BCAR1: variants seen among roughly 807,000 people sequenced by gnomAD.
BCAR1 encodes breast cancer anti-estrogen resistance protein 1.
Under a neutral mutation model 67.6 loss-of-function variants are expected in BCAR1, and 30 were observed. That is an observed-to-expected ratio of 0.44 (90% CI 0.33 to 0.60). BCAR1 has a LOEUF of 0.60. BCAR1 is among the 20% of genes least tolerant of loss of function. The pLI, the probability that BCAR1 is intolerant of heterozygous loss-of-function variation, is 0.02. For missense variants in BCAR1, 1,313 were observed against 1,222.3 expected (o/e 1.07, Z -1.11); for synonymous variants, 626 against 556.7 (o/e 1.12, Z -1.75).
intron 1 of BCAR1, among the ~76,000 whole-genome samples, chr16:75,251,157 T>G (rs928133421): frequency 6.6e-6 from 1 of 151,860 alleles, no homozygotes; most frequent in East Asian, 1.9e-4. Context: ...AGGCCCAAGG[T>G]GACACAGCAG....
At chr16:75,258,430 A>C (rs1036978012) in intron 1 of BCAR1, among the ~76,000 whole-genome samples, 1 of 152,230 alleles carries the variant, frequency 6.6e-6, no homozygotes, top group African/African-American at 2.4e-5. Flanking sequence ...TTATAAAGCA[A>C]CACTCATGCA....
Position 75,242,750 on chromosome 16 carries a change from G to C in BCAR1, c.353C>G (p.Pro118Arg), listed in dbSNP as rs369741235. 6 of 1,590,168 alleles carry C rather than the reference G, an allele frequency of 3.8e-6. No individual in the cohort carries two copies. ...QPQPDSVYLV[P>R]TPSKAQQGLY... ...GCCTTGCTGAGCCTTGCTGGGAGTG[G>C]GCACCAGGTAGACGCTGTCTGGCTG... The change falls in exon 2 of 7, where the codon CCC becomes CGC. Residue 118 changes from proline (P) to arginine (R), a missense_variant. By Grantham distance (103) the Pro-to-Arg change is moderately radical (BLOSUM62 -2). This residue lies in a region of BCAR1 where 1,272 missense variants were observed against 1,137.5 expected (regional missense o/e 1.12). Coordinates refer to ENST00000162330, the MANE Select transcript of BCAR1 (RefSeq NM_014567.5).
At chr16:75,267,570 T>G (rs911723639) in intron 1 of BCAR1, among the ~76,000 whole-genome samples, 1 of 152,090 alleles carries the variant, frequency 6.6e-6, no homozygotes, top group Non-Finnish European at 1.5e-5. Context: ...CACGCCCTGC[T>G]GTCTCTGATG....
rs781121746 is a variant in BCAR1 at position 75,229,820 on chromosome 16, G to A, written c.2304C>T (p.Ala768=). The change falls in exon 7 of 7, where the codon GCC becomes GCT. Residue 768 remains alanine (A), a synonymous_variant. Transcript: ENST00000162330. ...LTNAVDAFFT[A]VATNQPPKIF... is the part of the protein sequence containing the mutation. ...TCTTGGGCGGCTGGTTGGTGGCCAC[G>A]GCGGTAAAGAAGGCGTCCACGGCGT... The A allele has an allele frequency of 3.2e-5, 52 of 1,613,360 alleles. No individual in the cohort carries two copies. The highest frequency in any genetic ancestry group is 3.3e-4 in the Middle Eastern group (2 of 6,084).
intron 1 of BCAR1, among the ~76,000 whole-genome samples, chr16:75,265,539 A>G (rs11640470): frequency 0.48 from 73,264 of 151,640 alleles, 18,578 homozygotes; most frequent in Admixed American, 0.62. Flanking sequence ...CCCGGGGACC[A>G]ACAAAGAGTC....
At chr16:75,264,371 G>C in intron 1 of BCAR1, 1 of 1,530,682 alleles carries the variant, frequency 6.5e-7, no homozygotes, top group Non-Finnish European at 8.7e-7. Context: ...GCAGGCTCAG[G>C]TGGTCCGCCT....
intron 1 of BCAR1, chr16:75,263,115 C>G: frequency 1.3e-6 from 1 of 793,566 alleles, no homozygotes; most frequent in Non-Finnish European, 1.5e-6. Flanking sequence ...AGGGCGGCAT[C>G]CCTGAAAGGA....
intron 1 of BCAR1, among the ~76,000 whole-genome samples, chr16:75,261,166 C>A (rs775076311): frequency 6.6e-6 from 1 of 152,162 alleles, no homozygotes; most frequent in Non-Finnish European, 1.5e-5. Context: ...CTTTTTCCTG[C>A]AGAGAGGGAG....
At chr16:75,252,280 C>T, upstream of BCAR1, 1 of 1,536,736 alleles carries the variant, frequency 6.5e-7, no homozygotes, top group South Asian at 1.2e-5. Context: ...GCTGGTCCTC[C>T]AGCTGATCTG....
In BCAR1 at chr16:75,229,760, G is replaced by A. The variant is rs147725609; in HGVS notation, c.2364C>T (p.Ser788=). 59 of 1,613,424 alleles carry A rather than the reference G, an allele frequency of 3.7e-5. 1 individual carries two copies. In the South Asian group the frequency reaches 4.5e-4, roughly 12 times the overall value. ...FVAHSKFVIL[S]AHKLVFIGDT... ...CCCCGATGAACACCAGCTTGTGGGC[G>A]CTGAGGATGACGAACTTGCTGTGCG... The change falls in exon 7 of 7, where the codon AGC becomes AGT. Residue 788 remains serine (S), a synonymous_variant. Coordinates refer to ENST00000162330, the MANE Select transcript of BCAR1 (RefSeq NM_014567.5).
chr16:75,250,373 C>T (rs542910242), intron 1 of BCAR1, among the ~76,000 whole-genome samples: 3 of 152,216 alleles, frequency 2.0e-5, no homozygotes, highest in African/African-American at 7.2e-5. Flanking sequence ...CAACTCTCCA[C>T]CGAGGGAAAG....
chr16:75,251,851 G>A (rs1441155341), upstream of BCAR1: 1 of 280,658 alleles, frequency 3.6e-6, no homozygotes, highest in Non-Finnish European at 5.9e-6. Flanking sequence ...CCAGCCTAGG[G>A]CGCAGGACAC....
At chr16:75,231,989 C>G (rs1300957789) in intron 6 of BCAR1, among the ~76,000 whole-genome samples, 1 of 152,076 alleles carries the variant, frequency 6.6e-6, no homozygotes, top group Non-Finnish European at 1.5e-5. Context: ...TCAAGCGATT[C>G]TCCTGCCTCA....
At chr16:75,239,055 G>A (rs1324447360) in intron 2 of BCAR1, 2 of 985,324 alleles carry the variant, frequency 2.0e-6, no homozygotes, top group African/African-American at 3.5e-5. Flanking sequence ...ATGGCCGCCT[G>A]CCACTCTTGG....
Position 75,229,372 on chromosome 16 carries a change from C to T in BCAR1, c.*139G>A, listed in dbSNP as rs1034903189. 3 of 1,290,034 alleles carry T rather than the reference C, an allele frequency of 2.3e-6. No individual in the cohort carries two copies. Among genetic ancestry groups the T allele is most frequent in the Non-Finnish European group, 3.1e-6 (3 of 969,862 alleles). 79.9% of individuals were successfully genotyped at this position (1,290,034 alleles called of 1,614,324 possible). ...GCCCGGCCATAAATATATACAGATT[C>T]CTGGGCATCCAGGGCACCAGGACCG... On this transcript the variant is annotated 3_prime_UTR_variant, in exon 7 of 7. Coordinates refer to ENST00000162330, the MANE Select transcript of BCAR1 (RefSeq NM_014567.5).
intron 1 of BCAR1, among the ~76,000 whole-genome samples, chr16:75,257,170 G>A (rs1274293892): frequency 1.3e-5 from 2 of 152,196 alleles, no homozygotes; most frequent in East Asian, 3.9e-4. Flanking sequence ...GTGTGGTCAG[G>A]AGGCCTCCCC....
intron 1 of BCAR1, among the ~76,000 whole-genome samples, chr16:75,262,777 TG>T (rs2077933247): frequency 6.6e-6 from 1 of 152,170 alleles, no homozygotes; most frequent in Non-Finnish European, 1.5e-5. Flanking sequence ...CTACCACTGC[TG>T]GGGCTGGCTG....
In BCAR1 at chr16:75,235,844, G is replaced by A. The variant is rs751244629; in HGVS notation, c.1055C>T (p.Pro352Leu). The A allele has an allele frequency of 1.9e-6, 3 of 1,569,958 alleles. No homozygotes were observed. The highest frequency in any genetic ancestry group is 1.3e-5 in the African/African-American group (1 of 74,102). The change falls in exon 5 of 7, where the codon CCT becomes CTT. Residue 352 changes from proline (P) to leucine (L), a missense_variant. Around this residue, in one of 2 missense-constraint regions of BCAR1, gnomAD observed 1,272 missense variants for 1,137.5 expected, o/e 1.12. Coordinates refer to ENST00000162330, the MANE Select transcript of BCAR1 (RefSeq NM_014567.5). ...GTCCTCGGCCGGCGGGGAGTCTGGA[G>A]GGGGCGCAGCCAGTACCAGTGGGGT... ...ARTPLVLAAPPPDSPPAEDVY... is the reference protein window; with the variant it reads ...ARTPLVLAAPLPDSPPAEDVY...
intron 4 of BCAR1, 76 bp from the exon 5 acceptor site, chr16:75,236,062 A>C (rs2077121342): frequency 1.8e-6 from 2 of 1,120,672 alleles, no homozygotes; most frequent in South Asian, 1.8e-5. Context: ...GCACCCAGCC[A>C]CACACACACA....
Sources: gnomAD v4.1 joint callset for allele counts (sites outside exome capture counted in the v4.1 genomes callset) on GRCh38, gnomAD v4.1.1 for gene constraint, gnomAD v4.1.1 regional missense constraint, MANE v1.5 for transcripts, NCBI Gene and HGNC (gene_info 2026-07-23, HGNC 2026-07-21) for gene names.